The following RHOA variants were observed in gnomAD, a reference collection of about 807,000 sequenced individuals.
The protein encoded by RHOA is ras homolog family member A.
In RHOA, 3 loss-of-function variants were observed where a neutral mutation model predicts 17.5. The observed-to-expected ratio is 0.17, with a 90% CI of 0.08 to 0.44. RHOA has a LOEUF of 0.44. Ranked by LOEUF, RHOA falls within the 20% of genes least tolerant of loss-of-function variation. The probability of loss-of-function intolerance (pLI) is 0.99; values close to 1 mark genes in which losing one functional copy is unlikely to be tolerated. For synonymous variants in RHOA, 98 were observed against 88.4 expected (o/e 1.11, Z -0.61); for missense variants, 56 against 242.3 (o/e 0.23, Z 5.10).
At chr3:49,384,158 AG>A in intron 1 of RHOA, among the ~76,000 whole-genome samples, 1 of 152,356 alleles carries the variant, frequency 6.6e-6, no homozygotes, top group East Asian at 1.9e-4. Flanking sequence ...ACAAAATGAA[AG>A]CCTAAGTGAT....
At chr3:49,371,516 G>A (rs937527238) in intron 2 of RHOA, among the ~76,000 whole-genome samples, 3 of 151,832 alleles carry the variant, frequency 2.0e-5, no homozygotes, top group Non-Finnish European at 2.9e-5. Flanking sequence ...CCTGACCTCT[G>A]GTGATCCTCC....
intron 3 of RHOA, among the ~76,000 whole-genome samples, chr3:49,368,216 G>T (rs929159808): frequency 2.0e-5 from 3 of 151,998 alleles, no homozygotes; most frequent in Non-Finnish European, 4.4e-5. Flanking sequence ...CCCTGCCTAG[G>T]TGGATACATT....
chr3:49,396,384 G>A (rs1397157492), intron 1 of RHOA, among the ~76,000 whole-genome samples: 1 of 152,022 alleles, frequency 6.6e-6, no homozygotes, highest in Non-Finnish European at 1.5e-5. Flanking sequence ...GACCAGCCTG[G>A]CCAACATGGT....
At chr3:49,411,482 G>A (rs1370468035) in intron 1 of RHOA, among the ~76,000 whole-genome samples, 1 of 152,200 alleles carries the variant, frequency 6.6e-6, no homozygotes, top group African/African-American at 2.4e-5. Flanking sequence ...CGCGGGGCCC[G>A]GCCCAAAGCC....
intron 2 of RHOA, among the ~76,000 whole-genome samples, chr3:49,371,969 G>A (rs1301234137): frequency 3.9e-5 from 6 of 152,192 alleles, no homozygotes; most frequent in Non-Finnish European, 7.3e-5. Flanking sequence ...CAGACATGCA[G>A]CAATTAACAG....
At chr3:49,404,536 T>C (rs1444709351) in intron 1 of RHOA, among the ~76,000 whole-genome samples, 3 of 128,032 alleles carry the variant, frequency 2.3e-5, no homozygotes, top group African/African-American at 6.0e-5. Context: ...GCTTGCACCC[T>C]GGTAGGCAGA....
intron 1 of RHOA, among the ~76,000 whole-genome samples, chr3:49,387,315 G>A (rs528408619): frequency 3.3e-5 from 5 of 150,706 alleles, no homozygotes; most frequent in South Asian, 2.1e-4. Context: ...ATGGTGGCAC[G>A]CACCTGTAGT....
intron 1 of RHOA, among the ~76,000 whole-genome samples, chr3:49,406,040 ATAACTGGAAAAGT>A (rs919769646): frequency 1.5e-4 from 23 of 152,232 alleles, no homozygotes; most frequent in Admixed American, 7.9e-4. Flanking sequence ...TTCATTATGA[ATAACTGGAAAAGT>A]TAAACAAGAG....
At chr3:49,379,568 T>C (rs142018070) in intron 1 of RHOA, among the ~76,000 whole-genome samples, 1 of 152,222 alleles carries the variant, frequency 6.6e-6, no homozygotes, top group Middle Eastern at 3.4e-3. Flanking sequence ...GGCTGGAGTA[T>C]AGTGGTGCGA....
chr3:49,386,982 T>C (rs1451516938), intron 1 of RHOA, among the ~76,000 whole-genome samples: 2 of 151,006 alleles, frequency 1.3e-5, no homozygotes. Flanking sequence ...CCAGGCATGG[T>C]GGCGGGTGCC....
rs1037748470 is a variant in RHOA, at chr3:49,402,160, T to C, written c.-3+9660A>G. Among the ~76,000 whole-genome samples, 9 of 152,228 alleles carry C rather than the reference T, an allele frequency of 5.9e-5. No individual in the cohort carries two copies. The East Asian group carries it at 1.5e-3, about 26-fold the overall frequency. The stretch of plus-strand genomic sequence containing the variant: ...TCCTAAATAAGAGCATGAAATCATT[T>C]ATCTCAAAATGTAAATATTATAAGG... On this transcript the variant is annotated intron_variant, in intron 1 of 4. Transcript: ENST00000418115.
chr3:49,400,835 G>A (rs975442836), intron 1 of RHOA, among the ~76,000 whole-genome samples: 1 of 151,580 alleles, frequency 6.6e-6, no homozygotes, highest in Non-Finnish European at 1.5e-5. Flanking sequence ...CACGAGGTCA[G>A]GAGATCAAGA....
intron 1 of RHOA, among the ~76,000 whole-genome samples, chr3:49,379,292 C>A (rs2048281426): frequency 1.3e-5 from 2 of 152,078 alleles, no homozygotes; most frequent in Admixed American, 6.6e-5. Flanking sequence ...AACCAACATG[C>A]ATGATTCCAT....
chr3:49,382,336 T>A (rs528609648), intron 1 of RHOA, among the ~76,000 whole-genome samples: 3 of 136,352 alleles, frequency 2.2e-5, no homozygotes, highest in East Asian at 4.5e-4. Context: ...AATAAATAAA[T>A]AAAATAAAAA....
At chr3:49,407,971 C>T (rs888951891) in intron 1 of RHOA, among the ~76,000 whole-genome samples, 1 of 152,064 alleles carries the variant, frequency 6.6e-6, no homozygotes, top group Non-Finnish European at 1.5e-5. Context: ...AACAGCCTGA[C>T]CAACATGGTG....
intron 1 of RHOA, among the ~76,000 whole-genome samples, chr3:49,380,229 C>T (rs1407244636): frequency 6.6e-6 from 1 of 152,094 alleles, no homozygotes; most frequent in African/African-American, 2.4e-5. Context: ...AATGCCATAC[C>T]GTGGGGCTGG....
chr3:49,383,847 T>C (rs1049863975), intron 1 of RHOA, among the ~76,000 whole-genome samples: 2 of 152,046 alleles, frequency 1.3e-5, no homozygotes, highest in Non-Finnish European at 2.9e-5. Flanking sequence ...CTGGCAAACA[T>C]GGCAAAACCC....
rs1160140765 is a variant in RHOA, at chr3:49,369,006, C to CTTTTTTTTTT, written c.157-468_157-459dup. On this transcript the variant is annotated intron_variant, in intron 2 of 4. Coordinates refer to ENST00000418115, the MANE Select transcript of RHOA (RefSeq NM_001664.4). Reference sequence around the variant, plus strand: ...GCAGGCGTGACCCACCGCGCCTGGCCTTTTTTTTTTTTTTTTTTTTTTTTT... The same window carrying CTTTTTTTTTT: ...GCAGGCGTGACCCACCGCGCCTGGCCTTTTTTTTTTTTTTTTTTTTTTTTTTTTTTTTTTT... 5.0e-4 allele frequency among the ~76,000 whole-genome samples: 30 copies of CTTTTTTTTTT among 59,708 alleles called. 2 individuals are homozygous for CTTTTTTTTTT. The highest frequency in any genetic ancestry group is 1.5e-3 in the African/African-American group (19 of 12,908). 39.2% of individuals were successfully genotyped at this position (59,708 alleles called of 152,430 possible).
intron 1 of RHOA, among the ~76,000 whole-genome samples, chr3:49,386,189 A>G (rs1320946435): frequency 2.6e-5 from 4 of 152,142 alleles, no homozygotes. Context: ...TACAATGTTA[A>G]GTCTTCTGAC....
Sources: gnomAD v4.1 joint callset for allele counts (sites outside exome capture counted in the v4.1 genomes callset) on GRCh38, gnomAD v4.1.1 for gene constraint, MANE v1.5 for transcripts, NCBI Gene and HGNC (gene_info 2026-07-23, HGNC 2026-07-21) for gene names.